Variants in CRTC1 observed in about 807,000 individuals in gnomAD.
The protein encoded by CRTC1 is CREB regulated transcription coactivator 1.
CRTC1 carries 18 observed loss-of-function variants against 66.1 expected under a neutral mutation model. That is an observed-to-expected ratio of 0.27 (90% CI 0.19 to 0.40). The LOEUF is 0.40. Ranked by LOEUF, CRTC1 falls within the 10% of genes least tolerant of loss-of-function variation. The pLI is 1.00. For synonymous variants in CRTC1, 416 were observed against 398.8 expected (o/e 1.04, Z -0.51); for missense variants, 669 against 887.9 (o/e 0.75, Z 3.13).
intron 1 of CRTC1, among the ~76,000 whole-genome samples, chr19:18,740,550 G>C (rs1379667809): frequency 6.6e-6 from 1 of 152,136 alleles, no homozygotes; most frequent in East Asian, 1.9e-4. Flanking sequence ...CATAGCCCAA[G>C]GCCTCAGGCA....
chr19:18,728,804 C>T (rs1418557088), intron 1 of CRTC1, among the ~76,000 whole-genome samples: 2 of 106,856 alleles, frequency 1.9e-5, no homozygotes, highest in Non-Finnish European at 3.6e-5. Flanking sequence ...GTGTGAGCCA[C>T]CTCACCTGGC....
intron 2 of CRTC1, among the ~76,000 whole-genome samples, chr19:18,743,389 C>T (rs1387355881): frequency 5.3e-5 from 8 of 152,268 alleles, no homozygotes; most frequent in Admixed American, 3.3e-4. Context: ...GGAGGCCCGG[C>T]GGCCTGACCC....
At chr19:18,703,512 G>T (rs968642685) in intron 1 of CRTC1, among the ~76,000 whole-genome samples, 1 of 152,040 alleles carries the variant, frequency 6.6e-6, no homozygotes, top group Admixed American at 6.6e-5. Flanking sequence ...AGGCTGGAGT[G>T]CAGTGGCACG....
intron 1 of CRTC1, among the ~76,000 whole-genome samples, chr19:18,710,858 C>T (rs1379401813): frequency 3.9e-5 from 6 of 152,162 alleles, no homozygotes; most frequent in Non-Finnish European, 5.9e-5. Context: ...CTCAAGCGAT[C>T]CACAGCCTTG....
At chr19:18,714,425 A>G (rs2053461227) in intron 1 of CRTC1, among the ~76,000 whole-genome samples, 1 of 151,992 alleles carries the variant, frequency 6.6e-6, no homozygotes, top group African/African-American at 2.4e-5. Flanking sequence ...CTCCTGCCTC[A>G]GCCTCCTGAG....
At chr19:18,734,118 A>G (rs915621235) in intron 1 of CRTC1, among the ~76,000 whole-genome samples, 6 of 151,954 alleles carry the variant, frequency 3.9e-5, no homozygotes, top group African/African-American at 1.5e-4. Flanking sequence ...AAAAAAGTCC[A>G]GAACAGATAA....
chr19:18,712,188 C>T (rs1267339201), intron 1 of CRTC1, among the ~76,000 whole-genome samples: 3 of 151,972 alleles, frequency 2.0e-5, no homozygotes, highest in South Asian at 2.1e-4. Context: ...TCAAGCCGTC[C>T]TCCTGCCTCA....
chr19:18,719,735 C>T (rs572129164), intron 1 of CRTC1, among the ~76,000 whole-genome samples: 19 of 152,350 alleles, frequency 1.2e-4, no homozygotes, highest in South Asian at 2.1e-4. Flanking sequence ...GATCGCCCCG[C>T]GGTGCTCAGA....
chr19:18,694,001 G>T (rs960667904), intron 1 of CRTC1, among the ~76,000 whole-genome samples: 1 of 151,864 alleles, frequency 6.6e-6, no homozygotes, highest in Non-Finnish European at 1.5e-5. Flanking sequence ...GCATGGTGGC[G>T]GGCACCTGTA....
chr19:18,780,535 C>T lies in CRTC1; in HGVS notation c.*3153C>T, dbSNP rs1197508224. The T allele has an allele frequency of 4.3e-6, 1 of 230,360 alleles. No homozygotes were observed. The highest frequency in any genetic ancestry group is 8.6e-6 in the Non-Finnish European group (1 of 116,390). 14.3% of individuals were successfully genotyped at this position (230,360 alleles called of 1,614,324 possible). On this transcript the variant is annotated 3_prime_UTR_variant, in exon 14 of 14. Transcript: ENST00000321949. Reference sequence around the variant, plus strand: ...CCTGATTTCTTCAGGGGGCCAAGCTCCCGGGAGGACCCCTAGCCAGGAGGG... The same window carrying T: ...CCTGATTTCTTCAGGGGGCCAAGCTTCCGGGAGGACCCCTAGCCAGGAGGG...
rs951373573 is a variant in CRTC1, at chr19:18,780,672, C to CA, written c.*3291dup. On this transcript the variant is annotated 3_prime_UTR_variant, in exon 14 of 14. Transcript: ENST00000321949. ...GTGGGACAGGAGCCTGCCAGAAGCC[C>CA]ATGGGGGGCCAGGCCGGGTGGCTTC... 3.1e-5 allele frequency: 7 copies of CA among 224,648 alleles called. No homozygotes were observed. Among genetic ancestry groups the CA allele is most frequent in the Non-Finnish European group, 6.2e-5 (7 of 112,744 alleles). The allele number at this position is 224,648 out of a possible 1,614,324, so 13.9% of individuals were successfully genotyped here. A position where few individuals can be genotyped will look rare whatever the true frequency, so the allele number is the denominator to read the frequency against.
chr19:18,757,521 G>A (rs919082474), intron 6 of CRTC1, among the ~76,000 whole-genome samples: 1 of 152,220 alleles, frequency 6.6e-6, no homozygotes, highest in Non-Finnish European at 1.5e-5. Context: ...AGAAGCCCTT[G>A]GAGGTACCCG....
intron 1 of CRTC1, among the ~76,000 whole-genome samples, chr19:18,703,202 C>T (rs939846178): frequency 7.2e-5 from 11 of 151,944 alleles, no homozygotes; most frequent in African/African-American, 1.7e-4. Context: ...TTAGCCAGGA[C>T]GGTCTCGGTC....
In CRTC1 at chr19:18,779,705, C is replaced by T. The variant is rs2055066272; in HGVS notation, c.*2323C>T. 1 of 224,232 alleles carries T rather than the reference C, an allele frequency of 4.5e-6. No individual in the cohort carries two copies. Among genetic ancestry groups the T allele is most frequent in the African/African-American group, 2.2e-5 (1 of 44,782 alleles). 13.9% of individuals were successfully genotyped at this position (224,232 alleles called of 1,614,324 possible). On this transcript the variant is annotated 3_prime_UTR_variant, in exon 14 of 14. Transcript: ENST00000321949. ...CAGATAGGAGAGGAGGGATGCCCAC[C>T]TCGGAGCATCCCAGGCCCGTGGCCC...
intron 1 of CRTC1, among the ~76,000 whole-genome samples, chr19:18,739,378 G>A (rs575360427): frequency 2.6e-5 from 4 of 152,234 alleles, no homozygotes; most frequent in African/African-American, 7.2e-5. Flanking sequence ...GCTGAGGAAG[G>A]GGGTGGCCAA....
intron 1 of CRTC1, among the ~76,000 whole-genome samples, chr19:18,729,142 C>T (rs2053828435): frequency 7.2e-6 from 1 of 139,180 alleles, no homozygotes; most frequent in African/African-American, 2.5e-5. Flanking sequence ...TTGGTTCAGG[C>T]TGGCCGGGCG....
intron 1 of CRTC1, among the ~76,000 whole-genome samples, chr19:18,723,918 T>C (rs987226616): frequency 2.0e-5 from 3 of 152,154 alleles, no homozygotes; most frequent in African/African-American, 7.2e-5. Flanking sequence ...CCCGTGCGCT[T>C]GGAGCCTCCG....
Position 18,724,913 on chromosome 19 carries a change from A to T in CRTC1, c.127-17997A>T, listed in dbSNP as rs1390158750. On this transcript the variant is annotated intron_variant, in intron 1 of 13. Coordinates refer to ENST00000321949, the MANE Select transcript of CRTC1 (RefSeq NM_015321.3). ...AGCTGACCTGCATCGAGCGCTTGGG[A>T]TCTGCCTCTCACCCTCTTGGTTGCC... Among the ~76,000 whole-genome samples, 19 of 151,038 alleles carry T rather than the reference A, an allele frequency of 1.3e-4. No homozygotes were observed. The Admixed American group carries it at 1.3e-3, about 10-fold the overall frequency.
rs113093541 is a variant in CRTC1, at chr19:18,725,122, A to G, written c.127-17788A>G. The stretch of plus-strand genomic sequence containing the variant: ...TATGCTTCACCTTGGGGAGCTCAGT[A>G]TCTTTTCTTCATAGCACTCTAGGCC... On this transcript the variant is annotated intron_variant, in intron 1 of 13. Coordinates refer to ENST00000321949, the MANE Select transcript of CRTC1 (RefSeq NM_015321.3). 3.0e-3 allele frequency among the ~76,000 whole-genome samples: 462 copies of G among 152,144 alleles called. 4 individuals carry two copies. Among genetic ancestry groups the G allele is most frequent in the African/African-American group, 0.01 (423 of 41,512 alleles).
Sources: allele counts gnomAD v4.1 joint callset (sites outside exome capture counted in the v4.1 genomes callset), GRCh38; gene constraint gnomAD v4.1.1; transcripts MANE v1.5; gene names NCBI Gene and HGNC (gene_info 2026-07-23, HGNC 2026-07-21).